The following PUM1 variants were observed in gnomAD, a reference collection of about 807,000 sequenced individuals.
PUM1 encodes pumilio homolog 1.
In PUM1, 13 loss-of-function variants were observed where a neutral mutation model predicts 131.8. That is an observed-to-expected ratio of 0.10 (90% CI 0.06 to 0.16). The LOEUF is 0.16. Ranked by LOEUF, PUM1 falls within the 10% of genes least tolerant of loss-of-function variation. The pLI, the probability that PUM1 is intolerant of heterozygous loss-of-function variation, is 1.00. For synonymous variants in PUM1, 509 were observed against 556.5 expected (o/e 0.91, Z 1.20); for missense variants, 961 against 1,512.4 (o/e 0.64, Z 6.05).
intron 9 of PUM1, among the ~76,000 whole-genome samples, chr1:30,975,949 G>A (rs898724901): frequency 3.9e-5 from 6 of 151,936 alleles, no homozygotes; most frequent in Non-Finnish European, 8.8e-5. Flanking sequence ...TTAGCCGGAC[G>A]TGGTGGCAGA....
chr1:31,017,830 G>A (rs889005444), intron 3 of PUM1, among the ~76,000 whole-genome samples: 1 of 152,054 alleles, frequency 6.6e-6, no homozygotes, highest in Non-Finnish European at 1.5e-5. Flanking sequence ...AATCCAATAG[G>A]CAACAGTAGT....
At chr1:31,060,539 C>G (rs1384727800) in intron 1 of PUM1, among the ~76,000 whole-genome samples, 1 of 152,016 alleles carries the variant, frequency 6.6e-6, no homozygotes, top group East Asian at 1.9e-4. Context: ...AGCCTAAACC[C>G]ATATATAAGT....
Position 30,954,375 on chromosome 1 carries a change from G to A in PUM1, c.2324-394C>T, listed in dbSNP as rs542833543. Reference sequence around the variant, plus strand: ...AGTGGTTTTCCATTCTGAGATCTGCGGAGATTCCTTTCATTCTTGAATAAC... The same window carrying A: ...AGTGGTTTTCCATTCTGAGATCTGCAGAGATTCCTTTCATTCTTGAATAAC... On this transcript the variant is annotated intron_variant, in intron 14 of 21. Coordinates refer to ENST00000426105, the MANE Select transcript of PUM1 (RefSeq NM_001020658.2). Among the ~76,000 whole-genome samples, 53 of 152,164 alleles carry A rather than the reference G, an allele frequency of 3.5e-4. 1 individual carries two copies. In the South Asian group the frequency reaches 8.9e-3, roughly 26 times the overall value.
chr1:31,023,436 C>T (rs1643106649), intron 3 of PUM1, among the ~76,000 whole-genome samples: 1 of 152,002 alleles, frequency 6.6e-6, no homozygotes, highest in South Asian at 2.1e-4. Flanking sequence ...TCTAGAAGTA[C>T]TTTTAGCTAT....
rs757638643 is a variant in PUM1, at chr1:30,945,369, T to C, written c.2971A>G (p.Ile991Val). 1.2e-6 allele frequency: 2 copies of C among 1,614,074 alleles called. No individual in the cohort carries two copies. Among genetic ancestry groups the C allele is most frequent in the African/African-American group, 1.3e-5 (1 of 74,938 alleles). Reference sequence around the variant, plus strand: ...ACCTGTCCCTTAAACGCATCGATGATAAATTGCAAAGACTGGGGCTGTACA... The same window carrying C: ...ACCTGTCCCTTAAACGCATCGATGACAAATTGCAAAGACTGGGGCTGTACA... The part of the protein sequence containing the change: ...ECVQPQSLQF[I>V]IDAFKGQVFA... The change falls in exon 18 of 22, where the codon ATC becomes GTC. Residue 991 changes from isoleucine (I) to valine (V), a missense_variant. Ile to Val is a conservative substitution (Grantham distance 29). This residue lies in a region of PUM1 where 178 missense variants were observed against 327.5 expected (regional missense o/e 0.54). Coordinates refer to ENST00000426105, the MANE Select transcript of PUM1 (RefSeq NM_001020658.2).
At chr1:30,993,342 T>TAAAAA (rs200120030) in intron 6 of PUM1, among the ~76,000 whole-genome samples, 2 of 127,062 alleles carry the variant, frequency 1.6e-5, no homozygotes, top group African/African-American at 5.9e-5. Flanking sequence ...GCCTAAGATT[T>TAAAAA]AAAAAAAAAA....
intron 5 of PUM1, among the ~76,000 whole-genome samples, chr1:31,003,105 A>G (rs1570249405): frequency 6.6e-6 from 1 of 152,320 alleles, no homozygotes; most frequent in East Asian, 1.9e-4. Context: ...TGATGCTTTC[A>G]GCTCTCAGGA....
intron 9 of PUM1, among the ~76,000 whole-genome samples, chr1:30,975,355 TG>T (rs112916638): frequency 0.37 from 55,489 of 149,010 alleles, 10,560 homozygotes; most frequent in Admixed American, 0.45. Context: ...TTGTTTTTTT[TG>T]TTTTTTTGTT....
At chr1:30,962,181 G>C (rs767903829) in intron 14 of PUM1, among the ~76,000 whole-genome samples, 2 of 152,140 alleles carry the variant, frequency 1.3e-5, no homozygotes, top group Non-Finnish European at 2.9e-5. Flanking sequence ...TGAACAAGGT[G>C]AATGTTTCCA....
chr1:31,003,647 C>T (rs1422504504), intron 5 of PUM1, among the ~76,000 whole-genome samples: 1 of 152,132 alleles, frequency 6.6e-6, no homozygotes, highest in East Asian at 1.9e-4. Flanking sequence ...ATCTCAGCTA[C>T]TCAGGAGGCT....
intron 2 of PUM1, among the ~76,000 whole-genome samples, chr1:31,056,384 G>A (rs1387455917): frequency 3.3e-5 from 5 of 151,972 alleles, no homozygotes; most frequent in East Asian, 1.9e-4. Flanking sequence ...GGGTTCAAGC[G>A]ATTCTCCTGC....
At chr1:30,996,226 T>TAG (rs1641975027) in intron 5 of PUM1, among the ~76,000 whole-genome samples, 1 of 152,214 alleles carries the variant, frequency 6.6e-6, no homozygotes, top group Non-Finnish European at 1.5e-5. Flanking sequence ...GACTGACTCC[T>TAG]GGTTTAAGGA....
chr1:30,959,522 G>C (rs1640316518), intron 14 of PUM1, among the ~76,000 whole-genome samples: 2 of 152,094 alleles, frequency 1.3e-5, no homozygotes, highest in African/African-American at 4.8e-5. Flanking sequence ...TGTATATCTG[G>C]AATGCAGGAT....
chr1:30,936,376 T>C (rs1418920442), intron 21 of PUM1, among the ~76,000 whole-genome samples: 1 of 152,200 alleles, frequency 6.6e-6, no homozygotes, highest in Non-Finnish European at 1.5e-5. Flanking sequence ...GTTGGACTCA[T>C]AAGCTGATTC....
At chr1:31,053,280 G>A (rs1191142050) in intron 2 of PUM1, among the ~76,000 whole-genome samples, 15 of 147,808 alleles carry the variant, frequency 1.0e-4, no homozygotes, top group African/African-American at 2.7e-4. Flanking sequence ...GAGTACAGGC[G>A]TGAGCCACCA....
At chr1:30,961,650 TA>T (rs1640412818) in intron 14 of PUM1, among the ~76,000 whole-genome samples, 1 of 152,176 alleles carries the variant, frequency 6.6e-6, no homozygotes, top group Non-Finnish European at 1.5e-5. Flanking sequence ...GAAAAATTAC[TA>T]AACAGGTCAC....
chr1:31,047,411 A>G (rs979123020), intron 2 of PUM1, among the ~76,000 whole-genome samples: 2 of 152,230 alleles, frequency 1.3e-5, no homozygotes, highest in Non-Finnish European at 2.9e-5. Context: ...CTCTCCTGGC[A>G]CTATGTTGTC....
chr1:30,965,039 CTG>C (rs1475454740), intron 13 of PUM1, 129 bp from the exon 14 acceptor site: 1 of 696,916 alleles, frequency 1.4e-6, no homozygotes, highest in Non-Finnish European at 2.5e-6. Flanking sequence ...GACAGCCTAA[CTG>C]TTAATGTAGC....
intron 6 of PUM1, 114 bp from the exon 7 acceptor site, chr1:30,992,774 C>A: frequency 1.1e-6 from 1 of 892,826 alleles, no homozygotes. Flanking sequence ...GTATTTAAAA[C>A]TATTTCTATA....
Sources: allele counts gnomAD v4.1 joint callset (sites outside exome capture counted in the v4.1 genomes callset), GRCh38; gene constraint gnomAD v4.1.1; regional missense constraint gnomAD v4.1.1; transcripts MANE v1.5; gene names NCBI Gene and HGNC (gene_info 2026-07-23, HGNC 2026-07-21).